TNNT3: variants seen among roughly 807,000 people sequenced by gnomAD.
The protein encoded by TNNT3 is troponin T3, fast skeletal type.
Under a neutral mutation model 54.2 loss-of-function variants are expected in TNNT3, and 36 were observed. That is an observed-to-expected ratio of 0.66 (90% CI 0.51 to 0.88). The LOEUF (loss-of-function observed/expected upper bound fraction) is 0.88. Ranked by LOEUF, TNNT3 falls within the 40% of genes least tolerant of loss-of-function variation. TNNT3 has a pLI of 0.00. For missense variants in TNNT3, 291 were observed against 331.6 expected, an observed-to-expected ratio of 0.88 and a Z score of 0.95; for synonymous variants, 120 against 109.7, an observed-to-expected ratio of 1.09 and a Z score of -0.59.
chr11:1,929,752 C>A, intron 7 of TNNT3, 58 bp from the exon 8 acceptor site: 2 of 1,547,000 alleles, frequency 1.3e-6, no homozygotes, highest in South Asian at 2.4e-5. Flanking sequence ...CCCAGGCTGT[C>A]TCTCTCCCTC....
intron 15 of TNNT3, 121 bp downstream of exon 15, chr11:1,937,124 ACCCGGCCAGGCCACCCAGG>A (rs1855346326): frequency 8.9e-7 from 1 of 1,124,670 alleles, no homozygotes; most frequent in Admixed American, 2.0e-5. Flanking sequence ...AACGAGACTA[ACCCGGCCAGGCCACCCAGG>A]CCAGCATGCG....
Sources: gnomAD v4.1 joint callset for allele counts on GRCh38, gnomAD v4.1.1 for gene constraint, MANE v1.5 for transcripts, NCBI Gene and HGNC (gene_info 2026-07-23, HGNC 2026-07-21) for gene names.